Variants in ABI2 observed in about 807,000 individuals in gnomAD.
The protein encoded by ABI2 is abelson interactor 2.
In ABI2, 25 loss-of-function variants were observed where a neutral mutation model predicts 59.2. The observed-to-expected ratio is 0.42, with a 90% CI of 0.31 to 0.59. The LOEUF is 0.59. Among genes scored for constraint, ABI2 ranks in the 20% least tolerant of loss-of-function variants. The probability of loss-of-function intolerance (pLI) is 0.14; values close to 1 mark genes in which losing one functional copy is unlikely to be tolerated. For synonymous variants in ABI2, 213 were observed against 235.5 expected (o/e 0.90, Z 0.87); for missense variants, 545 against 681.8 (o/e 0.80, Z 2.23).
chr2:203,411,244 GCCCTTAT>G, intron 9 of ABI2, 34 bp from the exon 10 acceptor site: 4 of 1,421,920 alleles, frequency 2.8e-6, no homozygotes, highest in Non-Finnish European at 4.0e-6. Flanking sequence ...AATGTAACTC[GCCCTTAT>G]CCCTTATCCT....
At chr2:203,392,893 C>A (rs1484021856) in intron 5 of ABI2, among the ~76,000 whole-genome samples, 1 of 152,000 alleles carries the variant, frequency 6.6e-6, no homozygotes, top group East Asian at 1.9e-4. Flanking sequence ...CTGAGGCCCA[C>A]TCTGCTAGTT....
chr2:203,387,448 A>G (rs2096574500), intron 4 of ABI2, among the ~76,000 whole-genome samples: 1 of 152,158 alleles, frequency 6.6e-6, no homozygotes, highest in East Asian at 1.9e-4. Context: ...CTCCGGTGGT[A>G]TTTGCATTCC....
chr2:203,415,307 A>G (rs1472224973), intron 10 of ABI2, among the ~76,000 whole-genome samples: 1 of 152,188 alleles, frequency 6.6e-6, no homozygotes, highest in East Asian at 1.9e-4. Flanking sequence ...CCCACCAGGC[A>G]TCAGCAGTCT....
At chr2:203,332,278 G>A (rs1225524706) in intron 1 of ABI2, among the ~76,000 whole-genome samples, 1 of 152,052 alleles carries the variant, frequency 6.6e-6, no homozygotes, top group African/African-American at 2.4e-5. Context: ...TTAGTAGTTG[G>A]TAGAGACTTT....
At chr2:203,386,997 G>A (rs962662857) in intron 4 of ABI2, among the ~76,000 whole-genome samples, 21 of 150,592 alleles carry the variant, frequency 1.4e-4, no homozygotes, top group African/African-American at 5.1e-4. Context: ...TACCTTTAAA[G>A]CAGAGAAATC....
Position 203,396,872 on chromosome 2 carries a change from C to T in ABI2, c.938C>T (p.Ser313Phe). Residue 313 changes from serine (S) to phenylalanine (F), a missense_variant, in exon 8 of 12, where the codon TCC (serine) becomes TTC (phenylalanine). By Grantham distance (155) the Ser-to-Phe change is radical. Transcript: ENST00000261018. ...CTTGTTCCTGCTACTGTCCCTTCCT[C>T]CACTGCCCCAGACGCTGCTGCTGGG... ...APLVPATVPSSTAPDAAAGGA... is the reference protein window; with the variant it reads ...APLVPATVPSFTAPDAAAGGA... The T allele has an allele frequency of 1.3e-6, 2 of 1,535,008 alleles. No homozygotes were observed. Among genetic ancestry groups the T allele is most frequent in the Middle Eastern group, 1.7e-4 (1 of 5,988 alleles).
In ABI2 at chr2:203,427,679, C is replaced by G. The variant is rs767416627; in HGVS notation, c.*327C>G. The G allele has an allele frequency of 5.1e-6, 1 of 197,918 alleles. No homozygotes were observed. The highest frequency in any genetic ancestry group is 1.0e-5 in the Non-Finnish European group (1 of 95,848). The allele number at this position is 197,918 out of a possible 1,614,324, so 12.3% of individuals were successfully genotyped here. On this transcript the variant is annotated 3_prime_UTR_variant, in exon 12 of 12. Coordinates refer to ENST00000261018, the MANE Select transcript of ABI2 (RefSeq NM_001375670.1). ...ATTCAGAAAAATCTGGGATCTTTCT[C>G]AGGAATACTGTATACCCTTGGGATT...
intron 1 of ABI2, among the ~76,000 whole-genome samples, chr2:203,334,773 G>A (rs2075682600): frequency 6.6e-6 from 1 of 151,612 alleles, no homozygotes; most frequent in African/African-American, 2.4e-5. Flanking sequence ...CAATTCTCCT[G>A]TCTCAGCTTC....
At chr2:203,377,746 C>T (rs2095808102) in intron 2 of ABI2, among the ~76,000 whole-genome samples, 1 of 152,118 alleles carries the variant, frequency 6.6e-6, no homozygotes, top group Admixed American at 6.5e-5. Flanking sequence ...ACTCTACAGA[C>T]AGTAGAGAAA....
chr2:203,405,584 T>TC (rs1294570883), intron 9 of ABI2, among the ~76,000 whole-genome samples: 2 of 152,152 alleles, frequency 1.3e-5, no homozygotes, highest in Non-Finnish European at 2.9e-5. Flanking sequence ...CCTGTATTAC[T>TC]CCCAGTAGCC....
At chr2:203,398,857 C>T (rs1023027026) in intron 8 of ABI2, among the ~76,000 whole-genome samples, 1 of 152,080 alleles carries the variant, frequency 6.6e-6, no homozygotes, top group African/African-American at 2.4e-5. Context: ...GAGAATTACC[C>T]ATGTTGTTGC....
chr2:203,362,294 A>AAT (rs1245472984), intron 1 of ABI2, among the ~76,000 whole-genome samples: 1 of 152,152 alleles, frequency 6.6e-6, no homozygotes, highest in East Asian at 1.9e-4. Context: ...TTATAAGAGG[A>AAT]ATATATAATG....
rs78353544 is a variant in ABI2 at position 203,375,000 on chromosome 2, G to C, written c.286-5208G>C. The C allele has an allele frequency of 6.3e-3, 2,082 of 332,654 alleles. 35 individuals carry two copies. The highest frequency in any genetic ancestry group is 0.036 in the African/African-American group (1,767 of 48,538). The allele number at this position is 332,654 out of a possible 1,614,324, so 20.6% of individuals were successfully genotyped here. Reference sequence around the variant, plus strand: ...ATGTGCTTGGGTTCATGAGGGAGATGTGGGAGTGGGGCTCAGGCTTGCAAA... The same window carrying C: ...ATGTGCTTGGGTTCATGAGGGAGATCTGGGAGTGGGGCTCAGGCTTGCAAA... On this transcript the variant is annotated intron_variant, in intron 2 of 11. Coordinates refer to ENST00000261018, the MANE Select transcript of ABI2 (RefSeq NM_001375670.1).
intron 4 of ABI2, among the ~76,000 whole-genome samples, chr2:203,386,093 T>C (rs1448195169): frequency 6.6e-6 from 1 of 152,148 alleles, no homozygotes; most frequent in African/African-American, 2.4e-5. Flanking sequence ...GGAACATACA[T>C]CCTCTGAAGA....
chr2:203,372,186 C>G (rs990552622), intron 2 of ABI2, among the ~76,000 whole-genome samples: 1 of 151,908 alleles, frequency 6.6e-6, no homozygotes, highest in African/African-American at 2.4e-5. Flanking sequence ...TTGCACCGCC[C>G]TTAATCCATT....
chr2:203,402,437 C>T lies in ABI2; in HGVS notation c.1034-139C>T, dbSNP rs1488533293. 5.2e-6 allele frequency: 3 copies of T among 582,290 alleles called. No homozygotes were observed. The African/African-American group carries it at 5.8e-5, about 11-fold the overall frequency. 36.1% of individuals were successfully genotyped at this position (582,290 alleles called of 1,614,324 possible). A position where few individuals can be genotyped will look rare whatever the true frequency, so the allele number is the denominator to read the frequency against. On this transcript the variant is annotated intron_variant, in intron 8 of 11. Coordinates refer to ENST00000261018, the MANE Select transcript of ABI2 (RefSeq NM_001375670.1). ...TATAATATCAGCGAACAATAACTCACCTTGCATTGTATATTTCAGATACCA... is the reference window on the plus strand; with the variant it reads ...TATAATATCAGCGAACAATAACTCATCTTGCATTGTATATTTCAGATACCA...
chr2:203,432,136 A>C lies in ABI2; in HGVS notation c.*4784A>C, dbSNP rs1329107176. ...TATTTGGAATTGTTGCCGTGTACTAAGAACTTGACCTAAATAAAATCCCAC... is the reference window on the plus strand; with the variant it reads ...TATTTGGAATTGTTGCCGTGTACTACGAACTTGACCTAAATAAAATCCCAC... On this transcript the variant is annotated 3_prime_UTR_variant, in exon 12 of 12. Transcript: ENST00000261018. The C allele has an allele frequency of 6.6e-6, 1 of 152,226 alleles. No homozygotes were observed. Among genetic ancestry groups the C allele is most frequent in the Non-Finnish European group, 1.5e-5 (1 of 68,044 alleles). 9.4% of individuals were successfully genotyped at this position (152,226 alleles called of 1,614,324 possible).
At chr2:203,334,357 C>G (rs2075452607) in intron 1 of ABI2, among the ~76,000 whole-genome samples, 1 of 152,084 alleles carries the variant, frequency 6.6e-6, no homozygotes, top group African/African-American at 2.4e-5. Context: ...AATTGGTTTA[C>G]TTATGTGTAA....
At chr2:203,381,355 CA>C (rs1324911508) in intron 3 of ABI2, among the ~76,000 whole-genome samples, 3 of 152,156 alleles carry the variant, frequency 2.0e-5, no homozygotes, top group Non-Finnish European at 2.9e-5. Context: ...TAGCTCGCTC[CA>C]ACCTTGTACT....
Sources: gnomAD v4.1 joint callset for allele counts (sites outside exome capture counted in the v4.1 genomes callset) on GRCh38, gnomAD v4.1.1 for gene constraint, MANE v1.5 for transcripts, NCBI Gene and HGNC (gene_info 2026-07-23, HGNC 2026-07-21) for gene names.